Variants in WLS observed in about 807,000 individuals in gnomAD.
WLS encodes the protein Wnt ligand secretion mediator, also known as protein wntless homolog.
In WLS, 23 loss-of-function variants were observed where a neutral mutation model predicts 62.8. That is an observed-to-expected ratio of 0.37 (90% CI 0.26 to 0.52). WLS has a LOEUF of 0.52. Among genes scored for constraint, WLS ranks in the 20% least tolerant of loss-of-function variants. The pLI, the probability that WLS is intolerant of heterozygous loss-of-function variation, is 0.92. For synonymous variants in WLS, 246 were observed against 244.1 expected (o/e 1.01, Z -0.07); for missense variants, 615 against 697.3 (o/e 0.88, Z 1.33).
chr1:68,142,225 G>A (rs1374002757), intron 10 of WLS, among the ~76,000 whole-genome samples: 1 of 152,208 alleles, frequency 6.6e-6, no homozygotes, highest in African/African-American at 2.4e-5. Context: ...AGATATACAT[G>A]AGGCAGTGTG....
intron 1 of WLS, among the ~76,000 whole-genome samples, chr1:68,213,451 CAAAAAAAAAAA>C (rs900446226): frequency 2.7e-4 from 14 of 51,186 alleles, no homozygotes; most frequent in African/African-American, 8.8e-4. Flanking sequence ...AACTTCATTC[CAAAAAAAAAAA>C]AAAAAAAAAG....
chr1:68,174,155 T>TCCCGCAGCTCC (rs1647195313), intron 2 of WLS, among the ~76,000 whole-genome samples: 1 of 152,190 alleles, frequency 6.6e-6, no homozygotes, highest in South Asian at 2.1e-4. Context: ...TCTGCAGCTC[T>TCCCGCAGCTCC]CCCGCAGCTC....
At chr1:68,190,080 G>A (rs1419533526) in intron 2 of WLS, among the ~76,000 whole-genome samples, 2 of 151,524 alleles carry the variant, frequency 1.3e-5, no homozygotes, top group Non-Finnish European at 2.9e-5. Flanking sequence ...ATTCCTTAGA[G>A]TGAGTTGGTT....
intron 11 of WLS, among the ~76,000 whole-genome samples, chr1:68,108,087 A>G (rs565344637): frequency 7.4e-4 from 112 of 152,240 alleles, no homozygotes; most frequent in African/African-American, 2.6e-3. Flanking sequence ...TATGTATACA[A>G]TATTCGTGCA....
At chr1:68,192,586 A>C (rs12142889) in intron 2 of WLS, among the ~76,000 whole-genome samples, 8,486 of 151,094 alleles carry the variant, frequency 0.056, 273 homozygotes, top group East Asian at 0.13. Flanking sequence ...CACACACAAA[A>C]AAAAAAGAAT....
intron 1 of WLS, 91 bp downstream of exon 1, chr1:68,232,103 A>C: frequency 1.3e-6 from 2 of 1,537,730 alleles, no homozygotes; most frequent in African/African-American, 2.7e-5. Flanking sequence ...GAAGCAAGGC[A>C]GTGATACTGT....
chr1:68,118,723 A>C (rs1219649431), intron 11 of WLS, among the ~76,000 whole-genome samples: 1 of 151,732 alleles, frequency 6.6e-6, no homozygotes, highest in East Asian at 1.9e-4. Flanking sequence ...AAAATACAAA[A>C]AATTAGCTGG....
chr1:68,117,153 C>T (rs1288789692), intron 11 of WLS, among the ~76,000 whole-genome samples: 2 of 152,144 alleles, frequency 1.3e-5, no homozygotes, highest in African/African-American at 2.4e-5. Context: ...CCCACACTCA[C>T]TCCTCTGCAT....
chr1:68,147,738 T>G (rs576593738), intron 8 of WLS, among the ~76,000 whole-genome samples: 8 of 152,294 alleles, frequency 5.3e-5, no homozygotes, highest in African/African-American at 1.9e-4. Flanking sequence ...CCAAGGTCAC[T>G]TAAGAAGTCT....
At chr1:68,159,064 C>G in intron 3 of WLS, 59 bp downstream of exon 3, 1 of 1,604,022 alleles carries the variant, frequency 6.2e-7, no homozygotes, top group Non-Finnish European at 8.5e-7. Context: ...GTAAGCAAAT[C>G]TTTCCACATA....
chr1:68,199,492 A>ATTCTAT (rs1296237764), intron 1 of WLS, among the ~76,000 whole-genome samples: 1 of 152,216 alleles, frequency 6.6e-6, no homozygotes, highest in Non-Finnish European at 1.5e-5. Context: ...AGGTAGAGAT[A>ATTCTAT]GAACATGTGC....
chr1:68,180,016 T>C (rs553369724), intron 2 of WLS, among the ~76,000 whole-genome samples: 1 of 133,834 alleles, frequency 7.5e-6, no homozygotes, highest in Admixed American at 7.4e-5. Flanking sequence ...TGGTGGAACA[T>C]GCTGAGGGAG....
chr1:68,099,446 A>G (rs1646049957), intron 11 of WLS, among the ~76,000 whole-genome samples: 1 of 152,172 alleles, frequency 6.6e-6, no homozygotes, highest in African/African-American at 2.4e-5. Flanking sequence ...CAGACACACA[A>G]TTCTATGTTG....
At chr1:68,165,933 G>A (rs1647053669) in intron 2 of WLS, among the ~76,000 whole-genome samples, 1 of 152,326 alleles carries the variant, frequency 6.6e-6, no homozygotes, top group South Asian at 2.1e-4. Flanking sequence ...TTTGTAGTGG[G>A]CCTGGTTCAG....
chr1:68,112,835 G>A (rs1348888140), intron 11 of WLS, among the ~76,000 whole-genome samples: 1 of 152,232 alleles, frequency 6.6e-6, no homozygotes, highest in African/African-American at 2.4e-5. Flanking sequence ...ATCATTCCAA[G>A]CAATTACCAT....
At chr1:68,212,660 G>GT (rs1649562097) in intron 1 of WLS, among the ~76,000 whole-genome samples, 1 of 152,074 alleles carries the variant, frequency 6.6e-6, no homozygotes, top group African/African-American at 2.4e-5. Flanking sequence ...TATTAATGAT[G>GT]TTTTTATATA....
chr1:68,131,251 T>C (rs1646519683), intron 11 of WLS, among the ~76,000 whole-genome samples: 1 of 151,238 alleles, frequency 6.6e-6, no homozygotes, highest in Admixed American at 6.6e-5. Context: ...CAGGACAGTA[T>C]GTGGTATATA....
At position 68,227,518 on chromosome 1, in the gene WLS, T is replaced by C. The variant is rs550069329; in HGVS notation, c.106+4676A>G. On this transcript the variant is annotated intron_variant, in intron 1 of 11. Transcript: ENST00000262348. ...AGTCAAATATTGTAATTTCAATTAC[T>C]CTTTTAAAAAAGAGTAATTGAAAAC... Among the ~76,000 whole-genome samples, 4 of 152,128 alleles carry C rather than the reference T, an allele frequency of 2.6e-5. No homozygotes were observed. The South Asian group carries it at 8.3e-4, about 32-fold the overall frequency.
chr1:68,130,253 G>A (rs1168866643), intron 11 of WLS, among the ~76,000 whole-genome samples: 4 of 152,136 alleles, frequency 2.6e-5, no homozygotes, highest in Non-Finnish European at 4.4e-5. Flanking sequence ...TACAGATTCC[G>A]GGAGAGATCG....
Sources: allele counts gnomAD v4.1 joint callset (sites outside exome capture counted in the v4.1 genomes callset), GRCh38; gene constraint gnomAD v4.1.1; transcripts MANE v1.5; gene names NCBI Gene and HGNC (gene_info 2026-07-23, HGNC 2026-07-21).